FSTL4: variants seen among roughly 807,000 people sequenced by gnomAD.
FSTL4 encodes follistatin-related protein 4.
FSTL4 carries 28 observed loss-of-function variants against 78.2 expected under a neutral mutation model. The observed-to-expected ratio is 0.36, with a 90% CI of 0.27 to 0.49. The LOEUF (loss-of-function observed/expected upper bound fraction) is 0.49. FSTL4 is among the 20% of genes least tolerant of loss of function. The pLI is 0.98. For synonymous variants in FSTL4, 422 were observed against 440.5 expected (o/e 0.96, Z 0.53); for missense variants, 922 against 1,084.9 (o/e 0.85, Z 2.11).
chr5:133,628,548 CAG>C, the FSTL4 span, among the ~76,000 whole-genome samples: 1 of 151,890 alleles, frequency 6.6e-6, no homozygotes, highest in African/African-American at 2.4e-5. Flanking sequence ...TTAGTAGAGA[CAG>C]AGTTTCTCCA....
the FSTL4 span, among the ~76,000 whole-genome samples, chr5:133,619,409 A>C: frequency 6.6e-6 from 1 of 152,214 alleles, no homozygotes; most frequent in Admixed American, 6.5e-5. Flanking sequence ...TCTGTTACTC[A>C]AAGTTGAAAA....
At chr5:133,334,212 A>G (rs1251534476) in intron 4 of FSTL4, among the ~76,000 whole-genome samples, 1 of 152,230 alleles carries the variant, frequency 6.6e-6, no homozygotes, top group Admixed American at 6.5e-5. Flanking sequence ...TTCCTAGGTG[A>G]TTGCTTCAAG....
the FSTL4 span, among the ~76,000 whole-genome samples, chr5:133,817,349 C>A: frequency 6.6e-6 from 1 of 152,148 alleles, no homozygotes; most frequent in South Asian, 2.1e-4. Context: ...AGTCACAGTC[C>A]GGTCAAGGAA....
intron 4 of FSTL4, among the ~76,000 whole-genome samples, chr5:133,350,675 C>T (rs1379346596): frequency 6.6e-6 from 1 of 152,206 alleles, no homozygotes; most frequent in African/African-American, 2.4e-5. Context: ...TGATCCAGAG[C>T]TGGCATAGTG....
At chr5:133,776,564 T>C in the FSTL4 span, among the ~76,000 whole-genome samples, 1 of 152,194 alleles carries the variant, frequency 6.6e-6, no homozygotes, top group Non-Finnish European at 1.5e-5. Context: ...TCTTTTTTCC[T>C]GGTAAGATCC....
At chr5:133,818,801 T>C in the FSTL4 span, among the ~76,000 whole-genome samples, 112 of 150,990 alleles carry the variant, frequency 7.4e-4, 1 homozygote, top group Non-Finnish European at 3.0e-5. Context: ...AGATTCCTTT[T>C]TGAGGATGAA....
At chr5:133,600,001 T>G (rs997027549) in intron 2 of FSTL4, among the ~76,000 whole-genome samples, 1 of 152,224 alleles carries the variant, frequency 6.6e-6, no homozygotes, top group African/African-American at 2.4e-5. Context: ...CAGAATTCTA[T>G]CAATATTGAT....
intron 3 of FSTL4, among the ~76,000 whole-genome samples, chr5:133,443,053 C>T (rs1757192659): frequency 1.3e-5 from 2 of 152,228 alleles, no homozygotes; most frequent in South Asian, 4.1e-4. Context: ...GCAGAAATAT[C>T]ATTCTTGTTC....
At chr5:133,254,765 G>A (rs1249668263) in intron 6 of FSTL4, among the ~76,000 whole-genome samples, 1 of 152,226 alleles carries the variant, frequency 6.6e-6, no homozygotes, top group African/African-American at 2.4e-5. Flanking sequence ...CTTTCACAGG[G>A]AGGAGATGTG....
At chr5:133,713,959 A>C in the FSTL4 span, among the ~76,000 whole-genome samples, 3 of 152,104 alleles carry the variant, frequency 2.0e-5, no homozygotes, top group Non-Finnish European at 4.4e-5. Flanking sequence ...TACAGCTAGA[A>C]CCCTGGAGAC....
intron 4 of FSTL4, among the ~76,000 whole-genome samples, chr5:133,354,892 A>C (rs1028474609): frequency 6.6e-6 from 1 of 152,224 alleles, no homozygotes; most frequent in Non-Finnish European, 1.5e-5. Flanking sequence ...TGGGATGAGG[A>C]ATGTCACTGC....
At position 133,220,729 on chromosome 5, in the gene FSTL4, C is replaced by T; in HGVS notation, c.1458+19G>A. ...TGCCTGTGTATGATGTAGAAGCTGC[C>T]CCAGGCACAGTTACTTACATAGCTC... is the stretch of plus-strand genomic sequence containing the variant. On this transcript the variant is annotated intron_variant, in intron 12 of 15. Transcript: ENST00000265342. The T allele has an allele frequency of 8.0e-7, 1 of 1,251,162 alleles. No individual in the cohort carries two copies. Among genetic ancestry groups the T allele is most frequent in the South Asian group, 1.2e-5 (1 of 83,800 alleles). 77.5% of individuals were successfully genotyped at this position (1,251,162 alleles called of 1,614,324 possible).
At chr5:133,566,201 T>C (rs750172140) in intron 3 of FSTL4, among the ~76,000 whole-genome samples, 2 of 152,184 alleles carry the variant, frequency 1.3e-5, no homozygotes, top group Non-Finnish European at 2.9e-5. Context: ...CACTACCAGC[T>C]GGACTCAATA....
At chr5:133,439,969 T>C (rs535250992) in intron 3 of FSTL4, among the ~76,000 whole-genome samples, 1 of 152,340 alleles carries the variant, frequency 6.6e-6, no homozygotes, top group East Asian at 1.9e-4. Context: ...GACGTTGATC[T>C]GTGTTAGCTG....
chr5:133,651,603 T>C, the FSTL4 span, among the ~76,000 whole-genome samples: 2 of 152,136 alleles, frequency 1.3e-5, no homozygotes, highest in Non-Finnish European at 2.9e-5. Context: ...TTGGTCATAG[T>C]GTATAACTCC....
chr5:133,401,423 G>A (rs749660137), intron 3 of FSTL4, among the ~76,000 whole-genome samples: 1 of 152,206 alleles, frequency 6.6e-6, no homozygotes, highest in Non-Finnish European at 1.5e-5. Flanking sequence ...TCAGCCTCCT[G>A]GACTAGAGGC....
At chr5:133,801,219 A>T in the FSTL4 span, among the ~76,000 whole-genome samples, 1 of 152,132 alleles carries the variant, frequency 6.6e-6, no homozygotes, top group Non-Finnish European at 1.5e-5. Context: ...TCTCTGAACC[A>T]ACAGCTTCCA....
the FSTL4 span, among the ~76,000 whole-genome samples, chr5:133,790,212 T>C: frequency 6.6e-6 from 1 of 152,292 alleles, no homozygotes; most frequent in African/African-American, 2.4e-5. Flanking sequence ...AGTAAATGCA[T>C]TGATCTAAAA....
At chr5:133,807,020 C>T in the FSTL4 span, among the ~76,000 whole-genome samples, 2 of 151,928 alleles carry the variant, frequency 1.3e-5, no homozygotes, top group Non-Finnish European at 2.9e-5. Context: ...CGCCCACATG[C>T]TATGAATATG....
Sources: gnomAD v4.1 joint callset for allele counts (sites outside exome capture counted in the v4.1 genomes callset) on GRCh38, gnomAD v4.1.1 for gene constraint, MANE v1.5 for transcripts, NCBI Gene and HGNC (gene_info 2026-07-23, HGNC 2026-07-21) for gene names.